Variants in TPRG1 observed in about 807,000 individuals in gnomAD.
The protein encoded by TPRG1 is tumor protein p63-regulated gene 1 protein.
In TPRG1, 29 loss-of-function variants were observed where a neutral mutation model predicts 29.3. The ratio of observed to expected loss-of-function variants is 0.99; its 90% CI spans 0.74 to 1.35. The LOEUF is 1.35. Among genes scored for constraint, TPRG1 ranks in the 40% most tolerant of loss-of-function variants. TPRG1 has a pLI of 0.00. For synonymous variants in TPRG1, 130 were observed against 116.8 expected (o/e 1.11, Z -0.73); for missense variants, 327 against 335.0 (o/e 0.98, Z 0.19).
At chr3:189,057,866 GTA>G (rs1033344330) in intron 4 of TPRG1, among the ~76,000 whole-genome samples, 1 of 110,564 alleles carries the variant, frequency 9.0e-6, no homozygotes, top group African/African-American at 5.8e-5. Context: ...ACACACATAC[GTA>G]TGTGTGTATA....
chr3:189,071,080 A>AAT (rs1244201808), intron 4 of TPRG1, among the ~76,000 whole-genome samples: 1 of 151,986 alleles, frequency 6.6e-6, no homozygotes, highest in East Asian at 1.9e-4. Flanking sequence ...AAAAAAAAAA[A>AAT]AAAAAGGAAT....
intron 3 of TPRG1, among the ~76,000 whole-genome samples, chr3:189,005,213 C>T (rs1444728587): frequency 3.9e-5 from 6 of 152,122 alleles, no homozygotes; most frequent in Non-Finnish European, 8.8e-5. Flanking sequence ...TACATCTGTT[C>T]TTACTCGGCA....
chr3:189,206,808 C>CATGTGTGTGTGT (rs1553922310), intron 1 of TPRG1, among the ~76,000 whole-genome samples: 2 of 147,626 alleles, frequency 1.4e-5, no homozygotes, highest in Non-Finnish European at 3.0e-5. Context: ...GCTGAACAAC[C>CATGTGTGTGTGT]GTGTGTGTGT....
intron 4 of TPRG1, among the ~76,000 whole-genome samples, chr3:189,150,076 A>T (rs1300329853): frequency 6.6e-6 from 1 of 152,230 alleles, no homozygotes; most frequent in African/African-American, 2.4e-5. Context: ...ATAACTAATG[A>T]GTTGGGGCTG....
At chr3:189,019,362 G>A (rs1197934612) in intron 3 of TPRG1, among the ~76,000 whole-genome samples, 10 of 152,166 alleles carry the variant, frequency 6.6e-5, no homozygotes, top group South Asian at 4.1e-4. Flanking sequence ...GATATTGGCC[G>A]TGGGTTTGTC....
In TPRG1 at chr3:189,016,565, T is replaced by C. The variant is rs951839394; in HGVS notation, c.-659-7185T>C. Among the ~76,000 whole-genome samples the C allele has an allele frequency of 3.3e-5, 5 of 152,148 alleles. 1 individual carries two copies. Among genetic ancestry groups the C allele is most frequent in the South Asian group, 4.2e-4 (2 of 4,808 alleles). Reference sequence around the variant, plus strand: ...GAGGGGCTGGGATGGAGTGATATGATTGTGCTCTGTGACCCCACCCAAATC... The same window carrying C: ...GAGGGGCTGGGATGGAGTGATATGACTGTGCTCTGTGACCCCACCCAAATC... On this transcript the variant is annotated intron_variant, in intron 3 of 10. Transcript: ENST00000433971.
chr3:189,317,642 T>C (rs1000997209), intron 5 of TPRG1, among the ~76,000 whole-genome samples: 1 of 152,196 alleles, frequency 6.6e-6, no homozygotes, highest in Non-Finnish European at 1.5e-5. Flanking sequence ...TTAAGACCCC[T>C]CTGCCTGATC....
Position 189,164,442 on chromosome 3 carries a change from G to A in TPRG1, c.-10+13570G>A, listed in dbSNP as rs80102705. Among the ~76,000 whole-genome samples, 1,637 of 152,238 alleles carry A rather than the reference G, an allele frequency of 0.011. 59 individuals carry two copies. The East Asian group carries it at 0.15, about 14-fold the overall frequency. Reference sequence around the variant, plus strand: ...CTCCCAAAGTACTGGGATTACAGGCGTGAGCCACCAAGCCTGGCCCCTACT... The same window carrying A: ...CTCCCAAAGTACTGGGATTACAGGCATGAGCCACCAAGCCTGGCCCCTACT... On this transcript the variant is annotated intron_variant, in intron 5 of 6. Coordinates refer to the TPRG1 transcript ENST00000412373.
At chr3:189,239,874 A>G (rs1740233407) in intron 4 of TPRG1, among the ~76,000 whole-genome samples, 1 of 152,166 alleles carries the variant, frequency 6.6e-6, no homozygotes, top group African/African-American at 2.4e-5. Flanking sequence ...AGAATGCTGA[A>G]TTAGGTAAGT....
chr3:189,276,098 G>A (rs1716091022), intron 4 of TPRG1, among the ~76,000 whole-genome samples: 1 of 152,138 alleles, frequency 6.6e-6, no homozygotes, highest in Non-Finnish European at 1.5e-5. Flanking sequence ...CAGTATATGT[G>A]ATGATAACAC....
intron 3 of TPRG1, among the ~76,000 whole-genome samples, chr3:189,235,232 T>TTTC (rs1739275126): frequency 6.6e-6 from 1 of 150,968 alleles, no homozygotes; most frequent in South Asian, 2.1e-4. Context: ...TTTTTTTTTT[T>TTTC]TTCCAAAGGA....
At chr3:189,011,862 G>GTA (rs2152122852) in intron 3 of TPRG1, among the ~76,000 whole-genome samples, 1 of 152,278 alleles carries the variant, frequency 6.6e-6, no homozygotes, top group East Asian at 1.9e-4. Context: ...CTTGTTAGCT[G>GTA]TATTCCTAGT....
intron 5 of TPRG1, 125 bp from the exon 6 acceptor site, chr3:189,320,501 A>G: frequency 1.5e-6 from 1 of 672,820 alleles, no homozygotes; most frequent in South Asian, 3.2e-5. Context: ...ATTTATGTTT[A>G]AGAAGTAAGA....
chr3:189,143,538 G>T (rs1724854937), intron 3 of TPRG1, among the ~76,000 whole-genome samples: 1 of 152,192 alleles, frequency 6.6e-6, no homozygotes, highest in South Asian at 2.1e-4. Flanking sequence ...CTCCAATACT[G>T]TGTGAGTATG....
chr3:189,141,086 A>T (rs1210411501), intron 3 of TPRG1, among the ~76,000 whole-genome samples: 3 of 152,256 alleles, frequency 2.0e-5, no homozygotes. Context: ...TTTTCAGCAA[A>T]TCATACTTTA....
chr3:189,191,012 A>T, intron 1 of TPRG1: 1 of 984,970 alleles, frequency 1.0e-6, no homozygotes, highest in East Asian at 1.1e-4. Flanking sequence ...TTCTCAGGAC[A>T]TTTACTGTCT....
intron 4 of TPRG1, among the ~76,000 whole-genome samples, chr3:189,034,513 A>G (rs1323600560): frequency 2.6e-5 from 4 of 152,222 alleles, no homozygotes; most frequent in Admixed American, 6.5e-5. Flanking sequence ...ATATCAATGT[A>G]CCTTATGTTT....
At chr3:189,060,540 A>G (rs917917986) in intron 4 of TPRG1, among the ~76,000 whole-genome samples, 1 of 152,304 alleles carries the variant, frequency 6.6e-6, no homozygotes, top group East Asian at 1.9e-4. Flanking sequence ...ATATCTAGAA[A>G]ACCCCATAGT....
intron 1 of TPRG1, chr3:189,120,193 C>T (rs1180125355): frequency 6.6e-6 from 1 of 152,172 alleles, no homozygotes; most frequent in Admixed American, 6.5e-5. Context: ...GTTTGCAATC[C>T]AGTGCTTAAC....
Sources: gnomAD v4.1 joint callset for allele counts (sites outside exome capture counted in the v4.1 genomes callset) on GRCh38, gnomAD v4.1.1 for gene constraint, MANE v1.5 for transcripts, NCBI Gene and HGNC (gene_info 2026-07-23, HGNC 2026-07-21) for gene names.